The following WDR45B variants were observed in gnomAD, a reference collection of about 807,000 sequenced individuals.
WDR45B encodes WD repeat domain phosphoinositide-interacting protein 3.
WDR45B carries 20 observed loss-of-function variants against 44.6 expected under a neutral mutation model. The observed-to-expected ratio is 0.45, with a 90% CI of 0.32 to 0.65. The LOEUF is 0.65. Among genes scored for constraint, WDR45B ranks in the 30% least tolerant of loss-of-function variants. WDR45B has a pLI of 0.05. For synonymous variants in WDR45B, 169 were observed against 164.9 expected, an observed-to-expected ratio of 1.02 and a Z score of -0.19; for missense variants, 323 against 430.2, an observed-to-expected ratio of 0.75 and a Z score of 2.20.
At chr17:82,622,036 T>G (rs981833168) in intron 5 of WDR45B, among the ~76,000 whole-genome samples, 1 of 152,124 alleles carries the variant, frequency 6.6e-6, no homozygotes, top group African/African-American at 2.4e-5. Flanking sequence ...CTTTACCAAC[T>G]GTCCATCCAT....
At chr17:82,647,071 A>G (rs1349735489) in intron 1 of WDR45B, among the ~76,000 whole-genome samples, 1 of 152,198 alleles carries the variant, frequency 6.6e-6, no homozygotes, top group Non-Finnish European at 1.5e-5. Context: ...TCTACTAAAA[A>G]TACAAAAAGT....
At chr17:82,623,096 T>G (rs1026926477) in intron 5 of WDR45B, among the ~76,000 whole-genome samples, 4 of 152,122 alleles carry the variant, frequency 2.6e-5, no homozygotes, top group African/African-American at 9.7e-5. Flanking sequence ...CTACAACATA[T>G]AAAGAATTCT....
chr17:82,636,642 T>C (rs1598274970), intron 2 of WDR45B: 1 of 152,068 alleles, frequency 6.6e-6, no homozygotes, highest in East Asian at 1.9e-4. Flanking sequence ...TACAGAAAAA[T>C]GTAAGATACA....
intron 1 of WDR45B, among the ~76,000 whole-genome samples, chr17:82,648,000 G>A (rs1598284548): frequency 6.9e-6 from 1 of 144,292 alleles, no homozygotes; most frequent in Non-Finnish European, 1.5e-5. Flanking sequence ...CTCGGCCCGG[G>A]ACGGCCGGCT....
Position 82,619,096 on chromosome 17 carries a change from T to C in WDR45B, c.651A>G (p.Ser217=). The C allele has an allele frequency of 6.2e-7, 1 of 1,614,242 alleles. No individual in the cohort carries two copies. The highest frequency in any genetic ancestry group is 1.1e-5 in the South Asian group (1 of 91,088). ...TTCGCAGTTCCTGGATTAAATGCCC[T>C]GATGAAGTATCAAATATTCTTATAA... ...GTLIRIFDTS[S]GHLIQELRRG... is the part of the protein sequence containing the mutation. The change falls in exon 7 of 10, where the codon TCA becomes TCG. Residue 217 remains serine, a synonymous_variant. Coordinates refer to ENST00000392325, the MANE Select transcript of WDR45B (RefSeq NM_019613.4).
At chr17:82,643,386 TCATGC>T (rs930475618) in intron 2 of WDR45B, among the ~76,000 whole-genome samples, 2 of 150,622 alleles carry the variant, frequency 1.3e-5, no homozygotes, top group Admixed American at 6.6e-5. Flanking sequence ...TGAGCCGAGG[TCATGC>T]CATTGCACTC....
intron 2 of WDR45B, among the ~76,000 whole-genome samples, chr17:82,632,021 C>T (rs1028911250): frequency 4.0e-5 from 6 of 151,720 alleles, no homozygotes; most frequent in African/African-American, 1.5e-4. Flanking sequence ...GCTGAGGCTG[C>T]AGTGAGCCGA....
chr17:82,630,949 T>G lies in WDR45B; in HGVS notation c.216A>C (p.Gly72=). ...TGTTGGGAGGGTATTTCGGCTTTTT[T>G]CCACCACCAACTAAAGCTAAATAGT... The part of the protein sequence containing the change: ...RCNYLALVGG[G]KKPKYPPNKV... Residue 72 remains glycine, a synonymous_variant, in exon 3 of 10, where the codon GGA becomes GGC. Coordinates refer to ENST00000392325, the MANE Select transcript of WDR45B (RefSeq NM_019613.4). 6.2e-7 allele frequency: 1 copy of G among 1,612,820 alleles called. No individual in the cohort carries two copies. Among genetic ancestry groups the G allele is most frequent in the African/African-American group, 1.3e-5 (1 of 75,016 alleles).
At chr17:82,624,903 C>A (rs2045675271) in intron 5 of WDR45B, among the ~76,000 whole-genome samples, 1 of 152,178 alleles carries the variant, frequency 6.6e-6, no homozygotes, top group Non-Finnish European at 1.5e-5. Context: ...CAGGAGTGAG[C>A]CACCGCGCCC....
At position 82,615,872 on chromosome 17, in the gene WDR45B, A is replaced by C; in HGVS notation, c.*47T>G. ...CTGGGGCACTGGCACCAGCCCCGAG[A>C]GTCTGAAGGCGGCAGGTGGTGGGTG... On this transcript the variant is annotated 3_prime_UTR_variant, in exon 10 of 10. Transcript: ENST00000392325. 1 of 1,570,886 alleles carries C rather than the reference A, an allele frequency of 6.4e-7. No individual in the cohort carries two copies. The highest frequency in any genetic ancestry group is 8.8e-7 in the Non-Finnish European group (1 of 1,142,318).
chr17:82,641,687 G>A (rs1449604682), intron 2 of WDR45B, among the ~76,000 whole-genome samples: 1 of 152,284 alleles, frequency 6.6e-6, no homozygotes, highest in Non-Finnish European at 1.5e-5. Flanking sequence ...ACGAGGTCAG[G>A]AGATCAAGAC....
At position 82,646,291 on chromosome 17, in the gene WDR45B, G is replaced by A. The variant is rs568511966; in HGVS notation, c.67+1983C>T. 2.6e-5 allele frequency among the ~76,000 whole-genome samples: 4 copies of A among 151,524 alleles called. No individual in the cohort carries two copies. In the South Asian group the frequency reaches 8.4e-4, roughly 32 times the overall value. On this transcript the variant is annotated intron_variant, in intron 1 of 9. Coordinates refer to ENST00000392325, the MANE Select transcript of WDR45B (RefSeq NM_019613.4). ...GGATCACCTGAGGTCAGGAGTTCAA[G>A]ACCAGACTCAACACGGAGAAACCCA...
intron 2 of WDR45B, among the ~76,000 whole-genome samples, chr17:82,643,071 T>G (rs910305602): frequency 6.6e-6 from 1 of 152,250 alleles, no homozygotes; most frequent in Non-Finnish European, 1.5e-5. Flanking sequence ...TCTGCGTGTC[T>G]TACGCACCCT....
intron 8 of WDR45B, 83 bp downstream of exon 8, chr17:82,617,213 G>A (rs933773056): frequency 4.0e-6 from 5 of 1,257,066 alleles, no homozygotes; most frequent in African/African-American, 1.5e-5. Flanking sequence ...CTGCTGGGGT[G>A]GGGGGCCTGT....
chr17:82,634,307 G>A (rs1269326407), intron 2 of WDR45B, among the ~76,000 whole-genome samples: 1 of 151,600 alleles, frequency 6.6e-6, no homozygotes, highest in Non-Finnish European at 1.5e-5. Flanking sequence ...GGCCAACATG[G>A]TGAAACCCTG....
At chr17:82,634,711 G>C in intron 2 of WDR45B, among the ~76,000 whole-genome samples, 1 of 151,944 alleles carries the variant, frequency 6.6e-6, no homozygotes, top group East Asian at 1.9e-4. Context: ...TTATTATTCA[G>C]CCTTAAACAG....
Position 82,615,727 on chromosome 17 carries a change from C to G in WDR45B, c.*192G>C. ...ACAGCCACTGAGTTACCTACGGTGC[C>G]TTGATGATGATTCTCTCTTTAATAC... On this transcript the variant is annotated 3_prime_UTR_variant, in exon 10 of 10. Transcript: ENST00000392325. 1.6e-6 allele frequency: 1 copy of G among 616,190 alleles called. No homozygotes were observed. The highest frequency in any genetic ancestry group is 1.8e-5 in the South Asian group (1 of 54,722). 38.2% of individuals were successfully genotyped at this position (616,190 alleles called of 1,614,324 possible). A position where few individuals can be genotyped will look rare whatever the true frequency, so the allele number is the denominator to read the frequency against.
At position 82,639,775 on chromosome 17, in the gene WDR45B, C is replaced by CTG. The variant is rs533635242; in HGVS notation, c.142+4172_142+4173dup. On this transcript the variant is annotated intron_variant, in intron 2 of 9. Transcript: ENST00000392325. ...TGTGTAGGTGGGGCGGGCTGCTGGG[C>CTG]TGTGTGTGTGTGGGGTCGGGAGGGC... 8.6e-3 allele frequency among the ~76,000 whole-genome samples: 1,152 copies of CTG among 134,612 alleles called. 7 individuals are homozygous for CTG. Among genetic ancestry groups the CTG allele is most frequent in the South Asian group, 0.029 (120 of 4,100 alleles). The allele number at this position is 134,612 out of a possible 152,430, so 88.3% of individuals were successfully genotyped here. A position where few individuals can be genotyped will look rare whatever the true frequency, so the allele number is the denominator to read the frequency against.
At chr17:82,621,273 C>T (rs1334035197) in intron 6 of WDR45B, among the ~76,000 whole-genome samples, 2 of 152,114 alleles carry the variant, frequency 1.3e-5, no homozygotes, top group Non-Finnish European at 2.9e-5. Flanking sequence ...AGGCTGGTTT[C>T]GAACATCTGA....
Sources: allele counts gnomAD v4.1 joint callset (sites outside exome capture counted in the v4.1 genomes callset), GRCh38; gene constraint gnomAD v4.1.1; transcripts MANE v1.5; gene names NCBI Gene and HGNC (gene_info 2026-07-23, HGNC 2026-07-21).